PCTP: variants seen among roughly 807,000 people sequenced by gnomAD.
The protein encoded by PCTP is phosphatidylcholine transfer protein.
A neutral mutation model predicts 31.0 loss-of-function variants in PCTP; 27 were observed. That is an observed-to-expected ratio of 0.87 (90% CI 0.64 to 1.20). The LOEUF is 1.20. Ranked by LOEUF, PCTP falls within the 50% of genes most tolerant of loss-of-function variation. PCTP has a pLI of 0.00. For missense variants in PCTP, 287 were observed against 268.2 expected (o/e 1.07, Z -0.49); for synonymous variants, 108 against 101.2 (o/e 1.07, Z -0.40).
intron 3 of PCTP, among the ~76,000 whole-genome samples, chr17:55,789,722 G>T (rs1911885698): frequency 6.6e-6 from 1 of 152,118 alleles, no homozygotes; most frequent in Non-Finnish European, 1.5e-5. Flanking sequence ...TCTACCAGAG[G>T]TACAAGGAGG....
chr17:55,787,364 T>C (rs1911782807), intron 2 of PCTP, among the ~76,000 whole-genome samples: 1 of 151,508 alleles, frequency 6.6e-6, no homozygotes. Flanking sequence ...TATATATATA[T>C]ATTTTTTGAG....
intron 2 of PCTP, among the ~76,000 whole-genome samples, chr17:55,782,570 G>A (rs1911601333): frequency 6.6e-6 from 1 of 152,158 alleles, no homozygotes; most frequent in South Asian, 2.1e-4. Flanking sequence ...CTAGTTAGGT[G>A]GTAGACTGGG....
At chr17:55,829,206 A>G (rs966268286) in intron 5 of PCTP, among the ~76,000 whole-genome samples, 2 of 145,358 alleles carry the variant, frequency 1.4e-5, no homozygotes, top group African/African-American at 5.1e-5. Flanking sequence ...TCAAAGGCCA[A>G]TATGTGAAAA....
intron 5 of PCTP, among the ~76,000 whole-genome samples, chr17:55,839,605 T>A (rs1905892692): frequency 6.6e-6 from 1 of 152,100 alleles, no homozygotes; most frequent in Non-Finnish European, 1.5e-5. Flanking sequence ...AGTGTCCTCA[T>A]AAGAAGTCAA....
At chr17:55,796,112 A>C (rs571198493) in intron 3 of PCTP, among the ~76,000 whole-genome samples, 1 of 151,986 alleles carries the variant, frequency 6.6e-6, no homozygotes, top group Non-Finnish European at 1.5e-5. Flanking sequence ...AGCATGAAAG[A>C]CCTTTGGATT....
At chr17:55,791,533 C>T (rs1323870861) in intron 3 of PCTP, among the ~76,000 whole-genome samples, 2 of 147,952 alleles carry the variant, frequency 1.4e-5, no homozygotes. Flanking sequence ...GACATTTATG[C>T]AGCCAAAAAA....
At chr17:55,819,071 GA>G (rs1913029121) in intron 3 of PCTP, among the ~76,000 whole-genome samples, 2 of 78,884 alleles carry the variant, frequency 2.5e-5, no homozygotes, top group South Asian at 8.6e-4. Flanking sequence ...ACGGGAAAAA[GA>G]AAACAGCGGC....
chr17:55,782,826 A>G (rs562674462), intron 2 of PCTP, among the ~76,000 whole-genome samples: 1 of 152,332 alleles, frequency 6.6e-6, no homozygotes, highest in African/African-American at 2.4e-5. Context: ...GTTGAAGTCA[A>G]TCCCTATTCC....
At chr17:55,800,813 G>A (rs1283320184) in intron 3 of PCTP, among the ~76,000 whole-genome samples, 1 of 151,986 alleles carries the variant, frequency 6.6e-6, no homozygotes, top group Admixed American at 6.6e-5. Flanking sequence ...ATTTCTGTGT[G>A]GACATCTTTT....
intron 5 of PCTP, among the ~76,000 whole-genome samples, chr17:55,830,126 CTAA>C (rs1396111538): frequency 6.6e-6 from 1 of 152,126 alleles, no homozygotes; most frequent in Non-Finnish European, 1.5e-5. Context: ...TTTAAAAATA[CTAA>C]TGTCTGGGTT....
intron 3 of PCTP, among the ~76,000 whole-genome samples, chr17:55,772,069 C>T (rs148733851): frequency 2.6e-5 from 4 of 152,266 alleles, no homozygotes; most frequent in African/African-American, 7.2e-5. Flanking sequence ...ATTCTTCCTC[C>T]GTGGAGTATC....
At chr17:55,775,718 T>C (rs1911291583) in intron 5 of PCTP, 49 of 1,226,204 alleles carry the variant, frequency 4.0e-5, no homozygotes, top group Non-Finnish European at 4.8e-5. Flanking sequence ...TGGAAGAATG[T>C]AACAATCCAG....
chr17:55,764,699 A>T (rs1910543622), intron 1 of PCTP, among the ~76,000 whole-genome samples: 1 of 152,202 alleles, frequency 6.6e-6, no homozygotes, highest in South Asian at 2.1e-4. Context: ...AGACCCTTAA[A>T]GCTTCAGGAT....
chr17:55,793,669 G>A (rs1056198252), intron 3 of PCTP, among the ~76,000 whole-genome samples: 2 of 152,074 alleles, frequency 1.3e-5, no homozygotes, highest in African/African-American at 4.8e-5. Flanking sequence ...CACGATAGTT[G>A]CTTAACTTGT....
intron 5 of PCTP, among the ~76,000 whole-genome samples, chr17:55,841,667 G>A (rs1469674037): frequency 6.6e-6 from 1 of 152,144 alleles, no homozygotes; most frequent in Admixed American, 6.5e-5. Flanking sequence ...TACCTTGGGT[G>A]AGATCAAAAT....
chr17:55,780,760 T>C (rs1404419737), downstream of PCTP, among the ~76,000 whole-genome samples: 3 of 152,178 alleles, frequency 2.0e-5, 1 homozygote, highest in Admixed American at 2.0e-4. Flanking sequence ...GTGGCCATGG[T>C]ATGTAATTCT....
intron 3 of PCTP, among the ~76,000 whole-genome samples, chr17:55,802,342 G>A (rs574374816): frequency 6.6e-6 from 1 of 152,232 alleles, no homozygotes; most frequent in African/African-American, 2.4e-5. Context: ...TACAAAAAGA[G>A]GGACTCCTCC....
chr17:55,837,851 G>A (rs1905827690), intron 5 of PCTP, among the ~76,000 whole-genome samples: 1 of 152,142 alleles, frequency 6.6e-6, no homozygotes, highest in African/African-American at 2.4e-5. Context: ...TTTTCAAAAT[G>A]CAAGCTGAGT....
In PCTP at chr17:55,771,121, A is replaced by T; in HGVS notation, c.275A>T (p.Glu92Val). The T allele has an allele frequency of 1.2e-6, 2 of 1,613,310 alleles. No homozygotes were observed. The highest frequency in any genetic ancestry group is 1.7e-6 in the Non-Finnish European group (2 of 1,179,288). ...TTTCCTTTAGAACTCTATGAACAAGAATGCAACGGAGAGACTGTGGTCTAC... is the reference window on the plus strand; with the variant it reads ...TTTCCTTTAGAACTCTATGAACAAGTATGCAACGGAGAGACTGTGGTCTAC... ...DQYVKELYEQ[E>V]CNGETVVYWE... Residue 92 changes from glutamate (E) to valine (V), a missense_variant, in exon 3 of 6, where the codon GAA (glutamate) becomes GTA (valine). Coordinates refer to ENST00000268896, the MANE Select transcript of PCTP (RefSeq NM_021213.4).
Sources: gnomAD v4.1 joint callset for allele counts (sites outside exome capture counted in the v4.1 genomes callset) on GRCh38, gnomAD v4.1.1 for gene constraint, MANE v1.5 for transcripts, NCBI Gene and HGNC (gene_info 2026-07-23, HGNC 2026-07-21) for gene names.